Variants in METTL9 observed in about 807,000 individuals in gnomAD.
METTL9 encodes protein-L-histidine N-pros-methyltransferase.
A neutral mutation model predicts 36.0 loss-of-function variants in METTL9; 10 were observed. The observed-to-expected ratio is 0.28, with a 90% CI of 0.17 to 0.47. The LOEUF is 0.47. Among genes scored for constraint, METTL9 ranks in the 20% least tolerant of loss-of-function variants. METTL9 has a pLI of 0.99. For synonymous variants in METTL9, 175 were observed against 149.7 expected (o/e 1.17, Z -1.23); for missense variants, 246 against 383.5 (o/e 0.64, Z 3.00).
intron 2 of METTL9, among the ~76,000 whole-genome samples, chr16:21,613,169 T>C (rs979280102): frequency 2.3e-4 from 2 of 8,756 alleles, no homozygotes. Context: ...GAGAGTCTGC[T>C]TTTTTTTTTT....
chr16:21,649,428 T>G (rs919604871), intron 4 of METTL9, among the ~76,000 whole-genome samples: 3 of 152,172 alleles, frequency 2.0e-5, no homozygotes, highest in Non-Finnish European at 4.4e-5. Context: ...CTGAGCTTCG[T>G]GTCTGTGGGA....
At chr16:21,608,642 C>T (rs1281844572) in intron 1 of METTL9, among the ~76,000 whole-genome samples, 4 of 152,108 alleles carry the variant, frequency 2.6e-5, no homozygotes, top group African/African-American at 9.7e-5. Context: ...ACATTTTGGG[C>T]TGTCATTTGG....
At chr16:21,600,130 A>C (rs552766323) in intron 1 of METTL9, among the ~76,000 whole-genome samples, 44 of 152,176 alleles carry the variant, frequency 2.9e-4, no homozygotes, top group African/African-American at 8.4e-4. Context: ...CAGGCGGGGC[A>C]TGGCCTCCCG....
chr16:21,608,543 A>G (rs1965349368), intron 1 of METTL9, among the ~76,000 whole-genome samples: 1 of 152,192 alleles, frequency 6.6e-6, no homozygotes, highest in Non-Finnish European at 1.5e-5. Flanking sequence ...CTGGAGAGTC[A>G]GTACAGTGAC....
In METTL9 at chr16:21,657,447, C is replaced by A. The variant is rs1966735750; in HGVS notation, c.*2015C>A. Reference sequence around the variant, plus strand: ...AATCATGTTTTTCTCCCCCAAAGTACAATAAAGCTGCCTTGTCTGCACCAT... The same window carrying A: ...AATCATGTTTTTCTCCCCCAAAGTAAAATAAAGCTGCCTTGTCTGCACCAT... On this transcript the variant is annotated 3_prime_UTR_variant, in exon 5 of 5. Transcript: ENST00000358154. 6.6e-6 allele frequency: 1 copy of A among 152,136 alleles called. No individual in the cohort carries two copies. The highest frequency in any genetic ancestry group is 2.4e-5 in the African/African-American group (1 of 41,438). 9.4% of individuals were successfully genotyped at this position (152,136 alleles called of 1,614,324 possible). A position where few individuals can be genotyped will look rare whatever the true frequency, so the allele number is the denominator to read the frequency against.
At chr16:21,607,215 T>C (rs1331768884) in intron 1 of METTL9, among the ~76,000 whole-genome samples, 2 of 152,036 alleles carry the variant, frequency 1.3e-5, no homozygotes, top group Admixed American at 6.6e-5. Flanking sequence ...GCTGGAATTA[T>C]AGGTTCCTGC....
Position 21,644,894 on chromosome 16 carries a change from A to G in METTL9, c.752-10333A>G, listed in dbSNP as rs147468796. Among the ~76,000 whole-genome samples, 382 of 152,328 alleles carry G rather than the reference A, an allele frequency of 2.5e-3. 4 individuals carry two copies. Among genetic ancestry groups the G allele is most frequent in the African/African-American group, 9.0e-3 (373 of 41,580 alleles). On this transcript the variant is annotated intron_variant, in intron 4 of 4. Coordinates refer to ENST00000358154, the MANE Select transcript of METTL9 (RefSeq NM_016025.5). Reference sequence around the variant, plus strand: ...GTGAAAGAACCTGGGAAGGCCATACATTGAGGAGCGCAGTGCTCACTGCGT... The same window carrying G: ...GTGAAAGAACCTGGGAAGGCCATACGTTGAGGAGCGCAGTGCTCACTGCGT...
intron 4 of METTL9, chr16:21,652,519 A>T (rs1201382781): frequency 5.6e-6 from 9 of 1,602,900 alleles, no homozygotes. Context: ...GAGGAGAAGA[A>T]AAAGAACCTT....
chr16:21,618,593 C>G (rs1295865741), intron 3 of METTL9, among the ~76,000 whole-genome samples: 1 of 152,166 alleles, frequency 6.6e-6, no homozygotes, highest in African/African-American at 2.4e-5. Flanking sequence ...TTTGACTATT[C>G]TGGGTATTTC....
At chr16:21,605,598 AGACACT>A (rs906322770) in intron 1 of METTL9, among the ~76,000 whole-genome samples, 5 of 152,112 alleles carry the variant, frequency 3.3e-5, no homozygotes, top group Admixed American at 3.3e-4. Context: ...GCCTCTGTGT[AGACACT>A]GAAGTTAGGT....
chr16:21,624,057 C>T (rs1965766392), intron 3 of METTL9, among the ~76,000 whole-genome samples: 1 of 152,160 alleles, frequency 6.6e-6, no homozygotes, highest in Non-Finnish European at 1.5e-5. Context: ...GCGTGAGCCA[C>T]CGTGCCCGGT....
chr16:21,647,128 C>G (rs1567346828), intron 4 of METTL9: 2 of 1,614,218 alleles, frequency 1.2e-6, no homozygotes, highest in East Asian at 4.5e-5. Context: ...GCCTCGCTGA[C>G]TGACCTCTTA....
At chr16:21,650,586 G>T (rs935104008) in intron 4 of METTL9, among the ~76,000 whole-genome samples, 1 of 151,586 alleles carries the variant, frequency 6.6e-6, no homozygotes, top group Non-Finnish European at 1.5e-5. Context: ...AAAACTAGTA[G>T]TATAGGATAA....
chr16:21,618,680 A>C (rs1452603819), intron 3 of METTL9, among the ~76,000 whole-genome samples: 4 of 151,574 alleles, frequency 2.6e-5, no homozygotes, highest in African/African-American at 9.7e-5. Flanking sequence ...AGGTTTACTC[A>C]TGTTGTACCA....
At chr16:21,620,472 A>AAG (rs1247063303) in intron 3 of METTL9, among the ~76,000 whole-genome samples, 1 of 152,166 alleles carries the variant, frequency 6.6e-6, no homozygotes, top group Non-Finnish European at 1.5e-5. Flanking sequence ...AAGTGGGTCG[A>AAG]AGAGGAAGGT....
chr16:21,644,805 T>C (rs1159264617), intron 4 of METTL9, among the ~76,000 whole-genome samples: 4 of 152,206 alleles, frequency 2.6e-5, no homozygotes, highest in East Asian at 1.9e-4. Context: ...TATTTTCATA[T>C]GTATTTGTTA....
chr16:21,605,758 G>A (rs1055494491), intron 1 of METTL9, among the ~76,000 whole-genome samples: 1 of 152,124 alleles, frequency 6.6e-6, no homozygotes, highest in African/African-American at 2.4e-5. Context: ...TACATGTATT[G>A]TCATTTTTTC....
chr16:21,623,110 A>G (rs757170840), intron 3 of METTL9, among the ~76,000 whole-genome samples: 59 of 152,186 alleles, frequency 3.9e-4, no homozygotes, highest in Non-Finnish European at 6.2e-4. Flanking sequence ...TGAATTTCCA[A>G]AATTGCTATT....
chr16:21,624,600 G>A (rs1466112295), intron 3 of METTL9, among the ~76,000 whole-genome samples: 1 of 152,062 alleles, frequency 6.6e-6, no homozygotes, highest in East Asian at 1.9e-4. Flanking sequence ...GGTGGCAACT[G>A]CCTGTAATCT....
Sources: gnomAD v4.1 joint callset for allele counts (sites outside exome capture counted in the v4.1 genomes callset) on GRCh38, gnomAD v4.1.1 for gene constraint, MANE v1.5 for transcripts, NCBI Gene and HGNC (gene_info 2026-07-23, HGNC 2026-07-21) for gene names.